The following SLC8A1 variants were observed in gnomAD, a reference collection of about 807,000 sequenced individuals.
SLC8A1 encodes sodium/calcium exchanger 1.
In SLC8A1, 18 loss-of-function variants were observed where a neutral mutation model predicts 68.3. The ratio of observed to expected loss-of-function variants is 0.26; its 90% CI spans 0.18 to 0.39. The LOEUF (loss-of-function observed/expected upper bound fraction) is 0.39, where lower values mean the gene tolerates loss of function less well. Among genes scored for constraint, SLC8A1 ranks in the 10% least tolerant of loss-of-function variants. The pLI, the probability that SLC8A1 is intolerant of heterozygous loss-of-function variation, is 1.00. For missense variants in SLC8A1, 985 were observed against 1,156.7 expected (o/e 0.85, Z 2.15); for synonymous variants, 475 against 415.5 (o/e 1.14, Z -1.74).
At chr2:40,484,050 G>C (rs550820807) in intron 1 of SLC8A1, among the ~76,000 whole-genome samples, 5 of 152,114 alleles carry the variant, frequency 3.3e-5, no homozygotes, top group Non-Finnish European at 5.9e-5. Context: ...TGTTAAAAAG[G>C]TTCCAATGCA....
intron 2 of SLC8A1, among the ~76,000 whole-genome samples, chr2:40,235,222 C>A (rs993800949): frequency 2.0e-5 from 3 of 152,148 alleles, no homozygotes; most frequent in Non-Finnish European, 4.4e-5. Flanking sequence ...GTGAATCCAT[C>A]TGGTCCTGGA....
At chr2:40,257,965 T>C (rs2064166789) in intron 2 of SLC8A1, among the ~76,000 whole-genome samples, 1 of 152,184 alleles carries the variant, frequency 6.6e-6, no homozygotes, top group Non-Finnish European at 1.5e-5. Context: ...GAAAGGAGAA[T>C]GGCGGGTGCC....
intron 4 of SLC8A1, 23 bp from the exon 7 acceptor site, chr2:40,170,372 A>T: frequency 6.2e-7 from 1 of 1,602,738 alleles, no homozygotes; most frequent in Non-Finnish European, 8.5e-7. Context: ...CAGGCAGAAA[A>T]ATCAGCAGAA....
chr2:40,166,322 A>G (rs1297016878), intron 4 of SLC8A1, among the ~76,000 whole-genome samples: 1 of 152,182 alleles, frequency 6.6e-6, no homozygotes, highest in East Asian at 1.9e-4. Context: ...AGCATTTAAT[A>G]TTTCAAGGGT....
At chr2:40,236,063 A>G (rs983370240) in intron 2 of SLC8A1, among the ~76,000 whole-genome samples, 3 of 152,002 alleles carry the variant, frequency 2.0e-5, no homozygotes, top group African/African-American at 7.3e-5. Flanking sequence ...GTGCTGAAAA[A>G]AATGTATATT....
At chr2:40,143,429 C>T (rs1001559919) in intron 6 of SLC8A1, among the ~76,000 whole-genome samples, 9 of 152,102 alleles carry the variant, frequency 5.9e-5, no homozygotes, top group African/African-American at 2.2e-4. Context: ...CTTTCAAGTC[C>T]CTTCTCTGTG....
intron 2 of SLC8A1, among the ~76,000 whole-genome samples, chr2:40,304,169 T>C (rs1242910099): frequency 6.6e-6 from 1 of 152,214 alleles, no homozygotes; most frequent in East Asian, 1.9e-4. Flanking sequence ...TAATGGTAAC[T>C]ACAGAAGAGC....
At chr2:40,135,062 T>G (rs1446038204) in intron 7 of SLC8A1, among the ~76,000 whole-genome samples, 3 of 152,010 alleles carry the variant, frequency 2.0e-5, no homozygotes. Flanking sequence ...AGACAGCTAG[T>G]GCAATCCAAA....
intron 1 of SLC8A1, among the ~76,000 whole-genome samples, chr2:40,511,311 C>T (rs1466665023): frequency 5.9e-5 from 9 of 152,096 alleles, no homozygotes; most frequent in Non-Finnish European, 1.0e-4. Context: ...CTTGGCAAAA[C>T]ATGCATATTT....
At chr2:40,450,461 G>A (rs987414322) in intron 1 of SLC8A1, among the ~76,000 whole-genome samples, 2 of 151,834 alleles carry the variant, frequency 1.3e-5, no homozygotes, top group Non-Finnish European at 2.9e-5. Flanking sequence ...GGAAATCTTC[G>A]CACAAGTCTC....
chr2:40,253,061 G>C (rs1558967437), intron 2 of SLC8A1, among the ~76,000 whole-genome samples: 1 of 73,484 alleles, frequency 1.4e-5, no homozygotes, highest in Non-Finnish European at 2.9e-5. Context: ...ATATGTACAT[G>C]TATATACTAT....
chr2:40,451,747 A>T (rs796637504), intron 1 of SLC8A1, among the ~76,000 whole-genome samples, 157 bp downstream of exon 1: 3,953 of 130,770 alleles, frequency 0.03, 181 homozygotes, highest in East Asian at 0.21. Context: ...TCACACACAC[A>T]CACACACACA....
At chr2:40,366,250 T>C (rs1005572714) in intron 2 of SLC8A1, among the ~76,000 whole-genome samples, 1 of 152,054 alleles carries the variant, frequency 6.6e-6, no homozygotes, top group Non-Finnish European at 1.5e-5. Context: ...CTTTTTAACA[T>C]TATTAAGTTT....
In SLC8A1 at chr2:40,319,640, A is replaced by G. The variant is rs138152896; in HGVS notation, c.1808+108833T>C. Among the ~76,000 whole-genome samples, 690 of 152,190 alleles carry G rather than the reference A, an allele frequency of 4.5e-3. 4 individuals carry two copies. Among genetic ancestry groups the G allele is most frequent in the Middle Eastern group, 0.02 (6 of 294 alleles). Reference sequence around the variant, plus strand: ...TTATATATGAGCAGTTCCGCCTGTCACAAAGCTCCTCCTTATGTTAGGCAT... The same window carrying G: ...TTATATATGAGCAGTTCCGCCTGTCGCAAAGCTCCTCCTTATGTTAGGCAT... On this transcript the variant is annotated intron_variant, in intron 2 of 7. Coordinates refer to ENST00000406785, the Ensembl canonical transcript of SLC8A1.
chr2:40,239,802 A>T (rs1433573424), intron 2 of SLC8A1, among the ~76,000 whole-genome samples: 1 of 152,238 alleles, frequency 6.6e-6, no homozygotes, highest in Admixed American at 6.5e-5. Context: ...GTGAAGTACA[A>T]TTTGCTTAAT....
intron 2 of SLC8A1, among the ~76,000 whole-genome samples, chr2:40,250,761 T>A (rs2062614209): frequency 6.6e-6 from 1 of 152,178 alleles, no homozygotes; most frequent in South Asian, 2.1e-4. Context: ...TTCCACTGGT[T>A]TAGAATTTGG....
rs1700330165 is a variant in SLC8A1 at position 40,440,857 on chromosome 2, GA to G, written c.-24-10554del. 2.0e-5 allele frequency among the ~76,000 whole-genome samples: 3 copies of G among 152,248 alleles called. No homozygotes were observed. In the South Asian group the frequency reaches 6.2e-4, roughly 32 times the overall value. On this transcript the variant is annotated intron_variant, in intron 1 of 7. Coordinates refer to ENST00000406785, the Ensembl canonical transcript of SLC8A1. ...GGCAAAAGCTGGAAGCATTCCCTTT[GA>G]AAACTGGCACAAGACAAGGATGCCC...
Position 40,178,331 on chromosome 2 carries a change from G to T in SLC8A1, c.1809-476C>A, listed in dbSNP as rs992847984. 13 of 1,307,554 alleles carry T rather than the reference G, an allele frequency of 9.9e-6. No homozygotes were observed. In the African/African-American group the frequency reaches 1.5e-4, roughly 15 times the overall value. The allele number at this position is 1,307,554 out of a possible 1,614,324, so 81.0% of individuals were successfully genotyped here. On this transcript the variant is annotated intron_variant, in intron 2 of 7. Coordinates refer to ENST00000406785, the Ensembl canonical transcript of SLC8A1. Reference sequence around the variant, plus strand: ...ATGTTCTGAAGAGTGCAGGCATCCAGGGGTGGCACAGGCCAGCAGAAGCTG... The same window carrying T: ...ATGTTCTGAAGAGTGCAGGCATCCATGGGTGGCACAGGCCAGCAGAAGCTG...
At chr2:40,418,807 T>C (rs575606243) in intron 2 of SLC8A1, among the ~76,000 whole-genome samples, 1 of 152,250 alleles carries the variant, frequency 6.6e-6, no homozygotes, top group East Asian at 1.9e-4. Flanking sequence ...AGCCAAACTG[T>C]GACAGGAGCC....
Sources: gnomAD v4.1 joint callset for allele counts (sites outside exome capture counted in the v4.1 genomes callset) on GRCh38, gnomAD v4.1.1 for gene constraint, MANE v1.5 for transcripts, NCBI Gene and HGNC (gene_info 2026-07-23, HGNC 2026-07-21) for gene names.